CEP63: variants seen among roughly 807,000 people sequenced by gnomAD.
CEP63 encodes centrosomal protein 63.
A neutral mutation model predicts 89.1 loss-of-function variants in CEP63; 84 were observed. That is an observed-to-expected ratio of 0.94 (90% confidence interval 0.79 to 1.13). The LOEUF (loss-of-function observed/expected upper bound fraction) is 1.13. Ranked by LOEUF, CEP63 falls within the 50% of genes most tolerant of loss-of-function variation. The pLI, the probability that CEP63 is intolerant of heterozygous loss-of-function variation, is 0.00. For synonymous variants in CEP63, 267 were observed against 272.5 expected, an observed-to-expected ratio of 0.98 and a Z score of 0.20; for missense variants, 838 against 813.3, an observed-to-expected ratio of 1.03 and a Z score of -0.37.
At chr3:134,728,727 T>G in the CEP63 span, among the ~76,000 whole-genome samples, 1 of 152,192 alleles carries the variant, frequency 6.6e-6, no homozygotes, top group Non-Finnish European at 1.5e-5. Flanking sequence ...GATAAAAAAT[T>G]TTATATGATG....
At chr3:134,701,375 CAT>C in the CEP63 span, among the ~76,000 whole-genome samples, 95 of 19,168 alleles carry the variant, frequency 5.0e-3, 8 homozygotes, top group East Asian at 0.027. Flanking sequence ...TATACACACA[CAT>C]ATATACGTAT....
At position 134,547,610 on chromosome 3, in the gene CEP63, A is replaced by ATTTTTTTTTTTTTT. The variant is rs1553777504; in HGVS notation, c.1067+141_1067+142insTTTTTTTTTTTTTT. 3.2e-4 allele frequency: 72 copies of ATTTTTTTTTTTTTT among 227,328 alleles called. 2 individuals are homozygous for ATTTTTTTTTTTTTT. The highest frequency in any genetic ancestry group is 7.4e-4 in the South Asian group (19 of 25,604). 14.1% of individuals were successfully genotyped at this position (227,328 alleles called of 1,614,324 possible). A position where few individuals can be genotyped will look rare whatever the true frequency, so the allele number is the denominator to read the frequency against. On this transcript the variant is annotated intron_variant, in intron 9 of 14. Coordinates refer to ENST00000675561, the MANE Select transcript of CEP63 (RefSeq NM_001353108.3). ...GTATCCACAAATGGCCTAAGTTCTT[A>ATTTTTTTTTTTTTT]TTTCTTTTTTTTTTTTTTTGAGACG...
chr3:134,671,253 A>G, the CEP63 span, among the ~76,000 whole-genome samples: 4 of 152,366 alleles, frequency 2.6e-5, no homozygotes, highest in African/African-American at 9.6e-5. Flanking sequence ...CAAATACTGC[A>G]TATTCTCACT....
At chr3:134,780,057 T>A in the CEP63 span, among the ~76,000 whole-genome samples, 2 of 152,240 alleles carry the variant, frequency 1.3e-5, no homozygotes, top group African/African-American at 2.4e-5. Context: ...ACAGCTCTTG[T>A]TGCTCTGTAT....
At chr3:134,547,610 A>ATTTAT in intron 9 of CEP63, 138 bp downstream of exon 9, 1 of 226,806 alleles carries the variant, frequency 4.4e-6, no homozygotes. Flanking sequence ...CTAAGTTCTT[A>ATTTAT]TTTCTTTTTT....
intron 3 of CEP63, among the ~76,000 whole-genome samples, chr3:134,528,567 T>C (rs74491360): frequency 0.2 from 26,067 of 130,416 alleles, 2,602 homozygotes; most frequent in African/African-American, 0.34. Flanking sequence ...TGTGTGTGTG[T>C]GCGTGTGTGT....
chr3:134,672,348 G>A, the CEP63 span, among the ~76,000 whole-genome samples: 1 of 152,170 alleles, frequency 6.6e-6, no homozygotes, highest in African/African-American at 2.4e-5. Flanking sequence ...ATGTTAACTG[G>A]TTATTGTGAC....
chr3:134,514,666 T>C (rs1351200935), intron 3 of CEP63, among the ~76,000 whole-genome samples: 1 of 152,190 alleles, frequency 6.6e-6, no homozygotes, highest in Admixed American at 6.6e-5. Context: ...GACTTTTTCC[T>C]CTACCAAACG....
chr3:134,714,773 A>G, the CEP63 span, among the ~76,000 whole-genome samples: 2 of 152,186 alleles, frequency 1.3e-5, no homozygotes, highest in East Asian at 3.9e-4. Flanking sequence ...TCTCCTCCAA[A>G]TGAGCCAGTC....
At chr3:134,509,012 T>C (rs1285241933) in intron 3 of CEP63, among the ~76,000 whole-genome samples, 1 of 151,792 alleles carries the variant, frequency 6.6e-6, no homozygotes, top group Non-Finnish European at 1.5e-5. Context: ...ATTATTGTGC[T>C]GAAAAATTAT....
At chr3:134,683,453 A>G in the CEP63 span, among the ~76,000 whole-genome samples, 1 of 152,206 alleles carries the variant, frequency 6.6e-6, no homozygotes, top group Admixed American at 6.5e-5. Context: ...GGTGTACATT[A>G]GGAATGATTT....
At chr3:134,567,470 A>C (rs902030698), downstream of CEP63, among the ~76,000 whole-genome samples, 2 of 149,472 alleles carry the variant, frequency 1.3e-5, no homozygotes, top group African/African-American at 5.0e-5. Context: ...CTGTTACCAA[A>C]AAAAAAAAAA....
the CEP63 span, chr3:134,607,595 G>C: frequency 9.9e-5 from 98 of 985,494 alleles, no homozygotes; most frequent in Non-Finnish European, 1.2e-4. Context: ...CCCAGCACTG[G>C]ATCAGGTGCC....
At chr3:134,649,111 G>A in the CEP63 span, among the ~76,000 whole-genome samples, 1 of 151,540 alleles carries the variant, frequency 6.6e-6, no homozygotes, top group African/African-American at 2.4e-5. Context: ...TCTCTGCTCT[G>A]GTTGTGAATA....
intron 1 of CEP63, 83 bp from the exon 2 acceptor site, chr3:134,495,205 TATGCTTTC>T: frequency 1.1e-6 from 1 of 909,250 alleles, no homozygotes; most frequent in Non-Finnish European, 1.8e-6. Flanking sequence ...CATTATTATG[TATGCTTTC>T]ATTCACATTC....
the CEP63 span, among the ~76,000 whole-genome samples, chr3:134,723,113 A>G: frequency 2.6e-5 from 4 of 152,268 alleles, no homozygotes; most frequent in East Asian, 5.8e-4. Flanking sequence ...GGCTTCACTC[A>G]TCTGTCATCT....
At chr3:134,707,896 G>A in the CEP63 span, among the ~76,000 whole-genome samples, 1 of 152,012 alleles carries the variant, frequency 6.6e-6, no homozygotes, top group African/African-American at 2.4e-5. Flanking sequence ...GCATGGAAAG[G>A]GCTGTCCCCA....
the CEP63 span, among the ~76,000 whole-genome samples, chr3:134,657,846 T>C: frequency 6.6e-6 from 1 of 152,226 alleles, no homozygotes; most frequent in African/African-American, 2.4e-5. Context: ...TATTGGTACA[T>C]CAACCTTTGC....
At chr3:134,502,401 A>C (rs79960832) in intron 2 of CEP63, among the ~76,000 whole-genome samples, 1 of 151,912 alleles carries the variant, frequency 6.6e-6, no homozygotes, top group Non-Finnish European at 1.5e-5. Flanking sequence ...TAGTGGTACT[A>C]CCTCTTATTT....
Sources: gnomAD v4.1 joint callset for allele counts (sites outside exome capture counted in the v4.1 genomes callset) on GRCh38, gnomAD v4.1.1 for gene constraint, MANE v1.5 for transcripts, NCBI Gene and HGNC (gene_info 2026-07-23, HGNC 2026-07-21) for gene names.